The following ARHGAP6 variants were observed in gnomAD, a reference collection of about 807,000 sequenced individuals.
ARHGAP6 encodes Rho GTPase activating protein 6.
A neutral mutation model predicts 55.7 loss-of-function variants in ARHGAP6; 16 were observed. The ratio of observed to expected loss-of-function variants is 0.29; its 90% CI spans 0.19 to 0.44. The LOEUF (loss-of-function observed/expected upper bound fraction) is 0.44. Among genes scored for constraint, ARHGAP6 ranks in the 20% least tolerant of loss-of-function variants. ARHGAP6 has a pLI of 1.00. For synonymous variants in ARHGAP6, 382 were observed against 360.9 expected (o/e 1.06, Z -0.66); for missense variants, 698 against 808.9 (o/e 0.86, Z 1.66).
chrX:11,302,435 T>C (rs1280093546), intron 1 of ARHGAP6, among the ~76,000 whole-genome samples: 1 of 112,402 alleles, frequency 8.9e-6, no homozygotes, highest in Non-Finnish European at 1.9e-5. Flanking sequence ...TATGAGAATT[T>C]TCTAAGAACT....
intron 1 of ARHGAP6, among the ~76,000 whole-genome samples, chrX:11,391,336 G>T (rs190999992): frequency 3.6e-5 from 4 of 110,964 alleles, no homozygotes; most frequent in Admixed American, 2.9e-4. Flanking sequence ...AGGAGGGAGG[G>T]ATAGCATTAG....
At chrX:11,659,777 C>A (rs2052676675) in intron 1 of ARHGAP6, among the ~76,000 whole-genome samples, 2 of 111,772 alleles carry the variant, frequency 1.8e-5, no homozygotes, top group Admixed American at 1.9e-4. Context: ...GGAAAAGGAA[C>A]CACAACAGAT....
chrX:11,573,432 T>C (rs1402609819), intron 1 of ARHGAP6, among the ~76,000 whole-genome samples: 3 of 110,693 alleles, frequency 2.7e-5, no homozygotes, highest in Non-Finnish European at 3.8e-5. Flanking sequence ...GCACCATTTA[T>C]TAAATAGGGA....
At chrX:11,147,313 T>C (rs1421004487) in intron 10 of ARHGAP6, among the ~76,000 whole-genome samples, 1 of 111,109 alleles carries the variant, frequency 9.0e-6, no homozygotes, top group Admixed American at 9.5e-5. Context: ...CAGACACATA[T>C]TACATATACA....
At chrX:11,170,701 T>G (rs2046078483) in intron 8 of ARHGAP6, among the ~76,000 whole-genome samples, 2 of 109,367 alleles carry the variant, frequency 1.8e-5, no homozygotes, top group East Asian at 2.9e-4. Context: ...ACGGAGGGGG[T>G]GAAGAGGATA....
At chrX:11,298,077 T>C (rs745396130) in intron 1 of ARHGAP6, 3 of 1,209,156 alleles carry the variant, frequency 2.5e-6, no homozygotes, top group Non-Finnish European at 3.4e-6. Context: ...ACCCAACAAA[T>C]TTTTACCTTC....
chrX:11,317,345 C>T (rs1030299357), intron 1 of ARHGAP6, among the ~76,000 whole-genome samples: 1 of 112,142 alleles, frequency 8.9e-6, no homozygotes, highest in African/African-American at 3.2e-5. Flanking sequence ...CTTGTGACAA[C>T]CAAAAATGTT....
At position 11,274,155 on chromosome X, in the gene ARHGAP6, A is replaced by G. The variant is rs780491785; in HGVS notation, c.589-19448T>C. On this transcript the variant is annotated intron_variant, in intron 1 of 12. Coordinates refer to ENST00000337414, the MANE Select transcript of ARHGAP6 (RefSeq NM_013427.3). The stretch of plus-strand genomic sequence containing the variant: ...CAAAATAACTGTATGAGGTGGTTCT[A>G]GGCTCATCTCTAATTCTCTCTCATT... Among the ~76,000 whole-genome samples the G allele has an allele frequency of 4.1e-4, 46 of 111,598 alleles. No homozygotes were observed. In the Middle Eastern group the frequency reaches 0.014, roughly 33 times the overall value.
intron 8 of ARHGAP6, among the ~76,000 whole-genome samples, chrX:11,177,315 A>G (rs1445434314): frequency 9.6e-6 from 1 of 104,189 alleles, no homozygotes. Flanking sequence ...AAAAATCTTG[A>G]AATATATGAG....
At chrX:11,598,516 A>G (rs188370468) in intron 1 of ARHGAP6, among the ~76,000 whole-genome samples, 38 of 111,484 alleles carry the variant, frequency 3.4e-4, no homozygotes, top group African/African-American at 1.0e-3. Context: ...TCCCCATTCT[A>G]GTAGTCCACA....
At position 11,320,289 on chromosome X, in the gene ARHGAP6, T is replaced by C. The variant is rs766091425; in HGVS notation, c.589-65582A>G. 3.3e-3 allele frequency among the ~76,000 whole-genome samples: 365 copies of C among 111,744 alleles called. 1 individual carries two copies. The highest frequency in any genetic ancestry group is 0.028 in the Middle Eastern group (6 of 218). ...CTCCTCAGGGTCAAGTTAAAGAATA[T>C]GGGCTGTGCTGTCTCAGACCTCAGC... On this transcript the variant is annotated intron_variant, in intron 1 of 12. Transcript: ENST00000337414.
intron 1 of ARHGAP6, among the ~76,000 whole-genome samples, chrX:11,419,469 T>C (rs1168565617): frequency 8.9e-6 from 1 of 112,376 alleles, no homozygotes; most frequent in Non-Finnish European, 1.9e-5. Context: ...AATGGAACTG[T>C]TGAAAGTCAT....
chrX:11,395,926 C>T (rs1280197359), intron 1 of ARHGAP6, among the ~76,000 whole-genome samples: 3 of 111,172 alleles, frequency 2.7e-5, no homozygotes, highest in Non-Finnish European at 5.7e-5. Context: ...GAAAACTATG[C>T]CAGTGATATG....
intron 1 of ARHGAP6, among the ~76,000 whole-genome samples, chrX:11,343,612 CT>C (rs1444856647): frequency 9.0e-6 from 1 of 111,475 alleles, no homozygotes; most frequent in African/African-American, 3.3e-5. Context: ...AAATGTCAAT[CT>C]TAGCTGGAAA....
intron 1 of ARHGAP6, among the ~76,000 whole-genome samples, chrX:11,557,544 G>A (rs1349021818): frequency 9.1e-6 from 1 of 109,356 alleles, no homozygotes; most frequent in African/African-American, 3.3e-5. Flanking sequence ...AAAATGAATA[G>A]AGATATTACA....
At chrX:11,384,711 A>G (rs1313114643) in intron 1 of ARHGAP6, among the ~76,000 whole-genome samples, 1 of 111,951 alleles carries the variant, frequency 8.9e-6, no homozygotes, top group African/African-American at 3.2e-5. Flanking sequence ...AAAAATATCA[A>G]TGACTGGGCA....
At chrX:11,561,994 T>C (rs1183443525) in intron 1 of ARHGAP6, among the ~76,000 whole-genome samples, 2 of 111,921 alleles carry the variant, frequency 1.8e-5, no homozygotes. Context: ...ATACAGCATG[T>C]CCTTTGGGAG....
chrX:11,277,710 T>TTTAA (rs1555981106), intron 1 of ARHGAP6, among the ~76,000 whole-genome samples: 3 of 107,810 alleles, frequency 2.8e-5, no homozygotes, highest in African/African-American at 1.0e-4. Context: ...TTTTTTTTTT[T>TTTAA]AAAAAAAAAT....
At chrX:11,632,008 A>G (rs929236056) in intron 1 of ARHGAP6, among the ~76,000 whole-genome samples, 5 of 112,010 alleles carry the variant, frequency 4.5e-5, no homozygotes, top group Non-Finnish European at 9.4e-5. Context: ...GTGGTTTTTA[A>G]ATACCCAGCT....
Sources: gnomAD v4.1 joint callset for allele counts (sites outside exome capture counted in the v4.1 genomes callset) on GRCh38, gnomAD v4.1.1 for gene constraint, MANE v1.5 for transcripts, NCBI Gene and HGNC (gene_info 2026-07-23, HGNC 2026-07-21) for gene names.